Variants in PITPNC1 observed in about 807,000 individuals in gnomAD.
The protein encoded by PITPNC1 is phosphatidylinositol transfer protein cytoplasmic 1.
PITPNC1 carries 18 observed loss-of-function variants against 44.7 expected under a neutral mutation model. The observed-to-expected ratio is 0.40, with a 90% CI of 0.28 to 0.60. The LOEUF (loss-of-function observed/expected upper bound fraction) is 0.60. Among genes scored for constraint, PITPNC1 ranks in the 20% least tolerant of loss-of-function variants. The pLI is 0.39. For synonymous variants in PITPNC1, 141 were observed against 149.6 expected (o/e 0.94, Z 0.42); for missense variants, 290 against 418.4 (o/e 0.69, Z 2.68).
intron 4 of PITPNC1, among the ~76,000 whole-genome samples, chr17:67,569,454 G>A (rs1397358159): frequency 2.6e-5 from 4 of 152,072 alleles, no homozygotes; most frequent in South Asian, 2.1e-4. Context: ...AGATCCACCC[G>A]TCACTTCCAA....
chr17:67,555,224 C>T (rs975402169), intron 4 of PITPNC1, among the ~76,000 whole-genome samples: 7 of 152,086 alleles, frequency 4.6e-5, no homozygotes, highest in East Asian at 1.9e-4. Context: ...GAGATGTTAG[C>T]GGAAGGATTC....
intron 6 of PITPNC1, among the ~76,000 whole-genome samples, chr17:67,654,452 T>G (rs1440037205): frequency 2.0e-5 from 3 of 152,174 alleles, no homozygotes; most frequent in Non-Finnish European, 4.4e-5. Flanking sequence ...CCACTGCCTT[T>G]CTTTGGAGGA....
At chr17:67,393,733 C>G (rs747038933) in intron 1 of PITPNC1, among the ~76,000 whole-genome samples, 1 of 152,154 alleles carries the variant, frequency 6.6e-6, no homozygotes. Flanking sequence ...GACCAGTGTT[C>G]TCTTAAGGTA....
chr17:67,569,445 G>C (rs1455579372), intron 4 of PITPNC1, among the ~76,000 whole-genome samples: 2 of 152,174 alleles, frequency 1.3e-5, no homozygotes, highest in Non-Finnish European at 2.9e-5. Context: ...CCCCACTGCA[G>C]ATCCACCCGT....
At chr17:67,379,066 G>A in intron 1 of PITPNC1, 1 of 985,858 alleles carries the variant, frequency 1.0e-6, no homozygotes, top group Non-Finnish European at 1.2e-6. Context: ...TCCGGCCCCG[G>A]CTTCCCTTTC....
At chr17:67,680,274 TC>T (rs1480159180) in intron 8 of PITPNC1, among the ~76,000 whole-genome samples, 2 of 152,048 alleles carry the variant, frequency 1.3e-5, no homozygotes, top group Non-Finnish European at 2.9e-5. Context: ...CCCTGCCTAC[TC>T]CCTGCTCCCA....
At chr17:67,385,765 ACG>A (rs2038038118) in intron 1 of PITPNC1, among the ~76,000 whole-genome samples, 2 of 151,688 alleles carry the variant, frequency 1.3e-5, no homozygotes, top group Non-Finnish European at 2.9e-5. Flanking sequence ...TTTTGTCATA[ACG>A]GGCACAGGGA....
chr17:67,650,313 AGCTCCTAGG>A (rs1471617924), intron 6 of PITPNC1, among the ~76,000 whole-genome samples: 1 of 151,970 alleles, frequency 6.6e-6, no homozygotes, highest in Non-Finnish European at 1.5e-5. Flanking sequence ...TGAAAACGTT[AGCTCCTAGG>A]GTGATTTTTC....
At chr17:67,583,881 GTGTGTGTGTGTGTGTT>G (rs1340362701) in intron 5 of PITPNC1, among the ~76,000 whole-genome samples, 3,283 of 141,332 alleles carry the variant, frequency 0.023, 50 homozygotes, top group South Asian at 0.051. Context: ...GTGTGTGTGT[GTGTGTGTGTGTGTGTT>G]TGTGTGTGTG....
chr17:67,628,683 G>T (rs918512138), intron 5 of PITPNC1, among the ~76,000 whole-genome samples: 1 of 152,184 alleles, frequency 6.6e-6, no homozygotes, highest in Non-Finnish European at 1.5e-5. Flanking sequence ...GTGGACAGGG[G>T]TGTGTGTGGA....
intron 5 of PITPNC1, among the ~76,000 whole-genome samples, chr17:67,592,784 C>T (rs897366570): frequency 2.6e-5 from 4 of 152,176 alleles, no homozygotes; most frequent in Admixed American, 2.6e-4. Context: ...TGCCTGTAAT[C>T]CCAGCACTTT....
chr17:67,572,952 A>C (rs1471112415), intron 4 of PITPNC1, among the ~76,000 whole-genome samples: 1 of 152,194 alleles, frequency 6.6e-6, no homozygotes, highest in Non-Finnish European at 1.5e-5. Flanking sequence ...TGCCACCAAC[A>C]GCTGGAAGAG....
chr17:67,581,784 A>G (rs536337855), intron 5 of PITPNC1, among the ~76,000 whole-genome samples: 34 of 152,346 alleles, frequency 2.2e-4, no homozygotes, highest in Non-Finnish European at 4.3e-4. Flanking sequence ...CTGTAATCCC[A>G]GCACTTTGGG....
At chr17:67,587,040 C>T (rs1005856831) in intron 5 of PITPNC1, among the ~76,000 whole-genome samples, 3 of 152,158 alleles carry the variant, frequency 2.0e-5, no homozygotes, top group African/African-American at 7.2e-5. Context: ...GGCTTTCTAG[C>T]TCTGCCTAGT....
chr17:67,680,822 G>A (rs2144434316), intron 8 of PITPNC1, among the ~76,000 whole-genome samples: 1 of 152,306 alleles, frequency 6.6e-6, no homozygotes, highest in South Asian at 2.1e-4. Context: ...TTTTGCTGGA[G>A]CCAAAGAAGT....
chr17:67,633,415 T>A (rs1301424425), intron 6 of PITPNC1, among the ~76,000 whole-genome samples: 1 of 152,228 alleles, frequency 6.6e-6, no homozygotes, highest in Non-Finnish European at 1.5e-5. Context: ...CATTTCGGTA[T>A]AAAAGTCTTA....
intron 6 of PITPNC1, among the ~76,000 whole-genome samples, chr17:67,646,646 C>G (rs1302875093): frequency 6.6e-6 from 1 of 152,166 alleles, no homozygotes; most frequent in East Asian, 1.9e-4. Context: ...ACCACAGCCT[C>G]CTGACTACCA....
intron 1 of PITPNC1, among the ~76,000 whole-genome samples, chr17:67,401,270 A>C (rs577844230): frequency 6.6e-6 from 1 of 152,204 alleles, no homozygotes; most frequent in South Asian, 2.1e-4. Flanking sequence ...CACGGAAAGA[A>C]CCTGAGTATT....
At chr17:67,510,076 A>G (rs2040162934) in intron 1 of PITPNC1, among the ~76,000 whole-genome samples, 1 of 152,218 alleles carries the variant, frequency 6.6e-6, no homozygotes, top group South Asian at 2.1e-4. Flanking sequence ...TCCAGTCAGT[A>G]TCTTAGATCT....
Sources: allele counts gnomAD v4.1 joint callset (sites outside exome capture counted in the v4.1 genomes callset), GRCh38; gene constraint gnomAD v4.1.1; transcripts MANE v1.5; gene names NCBI Gene and HGNC (gene_info 2026-07-23, HGNC 2026-07-21).